The following TBC1D22A variants were observed in gnomAD, a reference collection of about 807,000 sequenced individuals.
TBC1D22A encodes the protein putative GTPase activator.
Under a neutral mutation model 60.2 loss-of-function variants are expected in TBC1D22A, and 38 were observed. That is an observed-to-expected ratio of 0.63 (90% confidence interval 0.49 to 0.83). The LOEUF (loss-of-function observed/expected upper bound fraction) is 0.83, where lower values mean the gene tolerates loss of function less well. Among genes scored for constraint, TBC1D22A ranks in the 40% least tolerant of loss-of-function variants. The pLI is 0.00. For missense variants in TBC1D22A, 628 were observed against 701.0 expected (o/e 0.90, Z 1.18); for synonymous variants, 302 against 281.7 (o/e 1.07, Z -0.72).
intron 9 of TBC1D22A, among the ~76,000 whole-genome samples, chr22:46,977,357 C>T (rs1038292437): frequency 6.6e-6 from 1 of 152,076 alleles, no homozygotes; most frequent in Non-Finnish European, 1.5e-5. Context: ...TATGAAGCAC[C>T]TGCCTTCTCT....
chr22:47,029,344 GGCCAGGGT>G, intron 10 of TBC1D22A, among the ~76,000 whole-genome samples: 1 of 152,294 alleles, frequency 6.6e-6, no homozygotes. Flanking sequence ...CTCCCAATGG[GGCCAGGGT>G]GCTAACTCTC....
chr22:47,016,775 C>G (rs2061922090), intron 10 of TBC1D22A, among the ~76,000 whole-genome samples: 1 of 152,254 alleles, frequency 6.6e-6, no homozygotes, highest in Non-Finnish European at 1.5e-5. Context: ...GAAGCTGCTG[C>G]CGCGGATGTC....
chr22:46,800,566 C>T (rs1215353970), intron 4 of TBC1D22A, among the ~76,000 whole-genome samples: 1 of 152,172 alleles, frequency 6.6e-6, no homozygotes, highest in Non-Finnish European at 1.5e-5. Flanking sequence ...GGTTACTCGC[C>T]ACGTGACCTT....
intron 11 of TBC1D22A, among the ~76,000 whole-genome samples, chr22:47,096,990 A>G (rs1346085045): frequency 6.6e-6 from 1 of 152,008 alleles, no homozygotes; most frequent in Non-Finnish European, 1.5e-5. Context: ...CATTGATGGA[A>G]CGTTCCATCC....
chr22:46,772,962 G>A (rs1467864913), intron 1 of TBC1D22A, among the ~76,000 whole-genome samples: 1 of 152,202 alleles, frequency 6.6e-6, no homozygotes, highest in Admixed American at 6.5e-5. Context: ...GTTGATGGAT[G>A]GGCATTTGTG....
intron 11 of TBC1D22A, among the ~76,000 whole-genome samples, chr22:47,099,818 A>G (rs1225400247): frequency 6.6e-6 from 1 of 152,122 alleles, no homozygotes; most frequent in Non-Finnish European, 1.5e-5. Flanking sequence ...TCTGTGTTCC[A>G]CACCACCCTC....
chr22:47,105,111 C>G (rs907103709), intron 11 of TBC1D22A, among the ~76,000 whole-genome samples: 1 of 151,952 alleles, frequency 6.6e-6, no homozygotes, highest in Non-Finnish European at 1.5e-5. Flanking sequence ...GAATAAATCT[C>G]TTTAAATATT....
Position 46,924,819 on chromosome 22 carries a change from G to A in TBC1D22A, c.1015+12631G>A, listed in dbSNP as rs915911078. 3.9e-5 allele frequency among the ~76,000 whole-genome samples: 6 copies of A among 152,158 alleles called. No individual in the cohort carries two copies. The East Asian group carries it at 1.2e-3, about 29-fold the overall frequency. ...TTCTTAAAGTATAGATTGTTCTTAA[G>A]CATGTGGTTACCCAGAGAGGACACT... is the stretch of plus-strand genomic sequence containing the variant. On this transcript the variant is annotated intron_variant, in intron 8 of 12. Transcript: ENST00000337137.
At chr22:46,840,282 A>T (rs1010670339) in intron 4 of TBC1D22A, among the ~76,000 whole-genome samples, 3 of 152,236 alleles carry the variant, frequency 2.0e-5, no homozygotes, top group Admixed American at 2.0e-4. Flanking sequence ...AAATAACCTG[A>T]TGAAAAAGTG....
At chr22:46,820,161 T>A (rs1296248701) in intron 4 of TBC1D22A, among the ~76,000 whole-genome samples, 1 of 152,074 alleles carries the variant, frequency 6.6e-6, no homozygotes, top group Non-Finnish European at 1.5e-5. Context: ...GCCATCTATT[T>A]GTTCATTTTT....
chr22:46,903,628 C>T (rs575676724), intron 7 of TBC1D22A, among the ~76,000 whole-genome samples: 148 of 152,264 alleles, frequency 9.7e-4, no homozygotes, highest in Non-Finnish European at 1.6e-3. Context: ...GAGAGGCCCC[C>T]TCAATGTTTT....
chr22:47,076,627 G>A (rs1008573298), intron 11 of TBC1D22A, among the ~76,000 whole-genome samples: 2 of 151,936 alleles, frequency 1.3e-5, no homozygotes, highest in African/African-American at 4.8e-5. Context: ...TTTATCTCCT[G>A]CATTTCCTTC....
At chr22:46,795,004 T>G (rs2084591816) in intron 3 of TBC1D22A, among the ~76,000 whole-genome samples, 1 of 152,264 alleles carries the variant, frequency 6.6e-6, no homozygotes, top group Admixed American at 6.5e-5. Flanking sequence ...TTAAAACCAC[T>G]TTCTAGGAAT....
At chr22:46,948,897 C>CT (rs1351783433) in intron 8 of TBC1D22A, among the ~76,000 whole-genome samples, 3 of 152,188 alleles carry the variant, frequency 2.0e-5, no homozygotes, top group Non-Finnish European at 4.4e-5. Flanking sequence ...ACACATTTAC[C>CT]TTATGCAGAC....
intron 4 of TBC1D22A, among the ~76,000 whole-genome samples, chr22:46,836,632 G>A (rs1056072729): frequency 1.3e-4 from 19 of 151,804 alleles, no homozygotes; most frequent in East Asian, 5.8e-4. Context: ...CTTACCAATC[G>A]GTAATTACTT....
chr22:46,845,410 T>C (rs2086947104), intron 4 of TBC1D22A, among the ~76,000 whole-genome samples: 1 of 152,264 alleles, frequency 6.6e-6, no homozygotes, highest in South Asian at 2.1e-4. Flanking sequence ...AGAGCTATTA[T>C]TATTCATTTC....
chr22:47,113,329 G>A (rs1017714118), intron 12 of TBC1D22A, among the ~76,000 whole-genome samples: 1 of 152,218 alleles, frequency 6.6e-6, no homozygotes, highest in Non-Finnish European at 1.5e-5. Flanking sequence ...CTGCCTCGGT[G>A]GTGTCTGTGA....
intron 12 of TBC1D22A, among the ~76,000 whole-genome samples, chr22:47,160,912 T>A (rs1177149076): frequency 6.6e-6 from 1 of 151,648 alleles, no homozygotes; most frequent in African/African-American, 2.4e-5. Flanking sequence ...AGGAACCTCC[T>A]AGCCAGTCTT....
chr22:46,886,456 C>T (rs985641619), intron 5 of TBC1D22A, among the ~76,000 whole-genome samples: 1 of 152,080 alleles, frequency 6.6e-6, no homozygotes, highest in Non-Finnish European at 1.5e-5. Flanking sequence ...GTTGGGGATG[C>T]GTCTGACACG....
Sources: gnomAD v4.1 joint callset for allele counts (sites outside exome capture counted in the v4.1 genomes callset) on GRCh38, gnomAD v4.1.1 for gene constraint, MANE v1.5 for transcripts, NCBI Gene and HGNC (gene_info 2026-07-23, HGNC 2026-07-21) for gene names.